UBR4: variants seen among roughly 807,000 people sequenced by gnomAD.
UBR4 encodes E3 ubiquitin-protein ligase UBR4.
Under a neutral mutation model 575.6 loss-of-function variants are expected in UBR4, and 124 were observed. The observed-to-expected ratio is 0.22, with a 90% CI of 0.19 to 0.25. The LOEUF (loss-of-function observed/expected upper bound fraction) is 0.25, where lower values mean the gene tolerates loss of function less well. Ranked by LOEUF, UBR4 falls within the 10% of genes least tolerant of loss-of-function variation. The probability of loss-of-function intolerance (pLI) is 1.00; values close to 1 mark genes in which losing one functional copy is unlikely to be tolerated. For missense variants in UBR4, 4,818 were observed against 6,478.8 expected, an observed-to-expected ratio of 0.74 and a Z score of 8.80; for synonymous variants, 2,455 against 2,473.7, an observed-to-expected ratio of 0.99 and a Z score of 0.22.
chr1:19,089,081 T>A lies in UBR4; in HGVS notation c.14212-104A>T. ...AACTCAACCAGCATGCACCATCTCA[T>A]GTCACCTGCTCAGCTGCAATCAGGT... On this transcript the variant is annotated intron_variant, in intron 97 of 105. Coordinates refer to ENST00000375254, the MANE Select transcript of UBR4 (RefSeq NM_020765.3). This position sits in a 1 kb window ranked among gnomAD's most constrained non-coding sequence, Gnocchi z 4.3. 9.0e-7 allele frequency: 1 copy of A among 1,107,376 alleles called. No individual in the cohort carries two copies. Among genetic ancestry groups the A allele is most frequent in the Non-Finnish European group, 1.3e-6 (1 of 763,566 alleles). The allele number at this position is 1,107,376 out of a possible 1,614,324, so 68.6% of individuals were successfully genotyped here. A position where few individuals can be genotyped will look rare whatever the true frequency, so the allele number is the denominator to read the frequency against.
At chr1:19,172,610 T>C (rs1190146782) in intron 25 of UBR4, among the ~76,000 whole-genome samples, 2 of 152,210 alleles carry the variant, frequency 1.3e-5, no homozygotes, top group African/African-American at 4.8e-5. Context: ...AAAAATTACC[T>C]TTCTCTGTAT....
chr1:19,141,279 G>A (rs1203770570), intron 57 of UBR4, 68 bp downstream of exon 57: 18 of 1,607,158 alleles, frequency 1.1e-5, no homozygotes, highest in Non-Finnish European at 1.4e-5. Flanking sequence ...CTGGATATCA[G>A]TAACTGCCAA....
chr1:19,119,231 A>C (rs955906782), intron 70 of UBR4, among the ~76,000 whole-genome samples: 1 of 152,214 alleles, frequency 6.6e-6, no homozygotes, highest in Non-Finnish European at 1.5e-5. Context: ...ATGGTTAGCT[A>C]ATTGCAGAAA....
intron 59 of UBR4, 126 bp from the exon 60 acceptor site, chr1:19,138,307 T>C (rs962911992): frequency 9.5e-7 from 1 of 1,055,332 alleles, no homozygotes; most frequent in Non-Finnish European, 1.3e-6. Context: ...GGTAGCATTT[T>C]TGTCTTATAT....
At chr1:19,179,263 G>C (rs577668560) in intron 17 of UBR4, 43 bp from the exon 18 acceptor site, 2 of 1,489,036 alleles carry the variant, frequency 1.3e-6, no homozygotes, top group Non-Finnish European at 1.8e-6. Context: ...AAACAGATAC[G>C]GGATAAAGTC....
In UBR4 at chr1:19,093,290, C is replaced by A; in HGVS notation, c.14111+23G>T. On this transcript the variant is annotated intron_variant, in intron 96 of 105. Transcript: ENST00000375254. The surrounding 1 kb of genome is among the most constrained non-coding windows in gnomAD (Gnocchi z 4.8). ...AAGGGCAAAGCGAAGGCAAAGCAGC[C>A]CCGCTGCGGGAGGGCTTCATACTTC... The A allele has an allele frequency of 6.2e-7, 1 of 1,608,034 alleles. No individual in the cohort carries two copies. Among genetic ancestry groups the A allele is most frequent in the Non-Finnish European group, 8.5e-7 (1 of 1,176,932 alleles).
chr1:19,124,350 C>T, intron 65 of UBR4, 191 bp downstream of exon 65: 1 of 661,070 alleles, frequency 1.5e-6, no homozygotes, highest in South Asian at 2.9e-5. Context: ...TAAAGTATGG[C>T]TTGTTTGATA....
intron 1 of UBR4, among the ~76,000 whole-genome samples, chr1:19,208,396 G>A (rs2093118391): frequency 6.6e-6 from 1 of 150,528 alleles, no homozygotes; most frequent in African/African-American, 2.5e-5. Context: ...GAACCTGGGA[G>A]GTGGAGCTTG....
Position 19,087,802 on chromosome 1 carries a change from C to T in UBR4, c.14544+14G>A. The T allele has an allele frequency of 6.2e-7, 1 of 1,602,310 alleles. No individual in the cohort carries two copies. The highest frequency in any genetic ancestry group is 1.1e-5 in the South Asian group (1 of 89,652). On this transcript the variant is annotated intron_variant, in intron 99 of 105. Transcript: ENST00000375254. ...CTGGGCCCTCAGGACCGACCGTAGG[C>T]CCAGCAGCTGTACCTGGAACTTGTA...
At chr1:19,148,913 T>C (rs1224698392) in intron 49 of UBR4, among the ~76,000 whole-genome samples, 1 of 152,220 alleles carries the variant, frequency 6.6e-6, no homozygotes, top group Non-Finnish European at 1.5e-5. Context: ...TTCCTTCTGC[T>C]GCCTGTGGCA....
chr1:19,134,277 T>A (rs1231362195), intron 60 of UBR4, among the ~76,000 whole-genome samples: 2 of 142,132 alleles, frequency 1.4e-5, no homozygotes, highest in Non-Finnish European at 3.1e-5. Flanking sequence ...TAAATAAAAA[T>A]AAATAAAAAT....
At chr1:19,170,541 T>C (rs2089355400) in intron 26 of UBR4, among the ~76,000 whole-genome samples, 2 of 152,218 alleles carry the variant, frequency 1.3e-5, no homozygotes, top group Admixed American at 6.5e-5. Flanking sequence ...TGTGGACAAA[T>C]AACTTCTCTA....
chr1:19,201,783 T>C lies in UBR4; in HGVS notation c.209A>G (p.Tyr70Cys), dbSNP rs1246736185. 1 of 1,614,056 alleles carries C rather than the reference T, an allele frequency of 6.2e-7. No homozygotes were observed. The highest frequency in any genetic ancestry group is 1.1e-5 in the South Asian group (1 of 91,092). ...AACAAAAGATGAGTAGAATGGCTCG[T>C]ACTGCTTCTCATGGTGCAGGATTTC... ...ESEILHHEKQ[Y>C]EPFYSSFVAL... Residue 70 changes from tyrosine to cysteine, a missense_variant, in exon 2 of 106, where the codon TAC (tyrosine) becomes TGC (cysteine). Physicochemically the swap from Tyr to Cys is radical, Grantham distance 194. This residue lies in a region of UBR4 where 85 missense variants were observed against 134.2 expected (regional missense o/e 0.63). Coordinates refer to ENST00000375254, the MANE Select transcript of UBR4 (RefSeq NM_020765.3).
chr1:19,140,580 G>A (rs2083767848), intron 58 of UBR4, among the ~76,000 whole-genome samples: 1 of 152,254 alleles, frequency 6.6e-6, no homozygotes, highest in Non-Finnish European at 1.5e-5. Context: ...AAGCCAGGCA[G>A]CATGCAAAGT....
At position 19,105,811 on chromosome 1, in the gene UBR4, C is replaced by T; in HGVS notation, c.12425G>A (p.Arg4142Gln). ...TTCCACAATGGTACAGGCTGCCTGC[C>T]GTGCGGCCTGCGTTGCTGGAGTGAA... ...VLFTPATQAARQAACTIVEAL... is the reference protein window; with the variant it reads ...VLFTPATQAAQQAACTIVEAL... Residue 4142 changes from arginine to glutamine, a missense_variant, in exon 84 of 106, where the codon CGG becomes CAG. Coordinates refer to ENST00000375254, the MANE Select transcript of UBR4 (RefSeq NM_020765.3). The T allele has an allele frequency of 1.9e-6, 3 of 1,608,236 alleles. No homozygotes were observed. The highest frequency in any genetic ancestry group is 1.1e-5 in the South Asian group (1 of 90,162).
intron 17 of UBR4, among the ~76,000 whole-genome samples, chr1:19,183,131 T>C (rs948847941): frequency 6.6e-6 from 1 of 152,216 alleles, no homozygotes; most frequent in Non-Finnish European, 1.5e-5. Flanking sequence ...ACATTTTAAT[T>C]TGTCTTTCTT....
intron 60 of UBR4, among the ~76,000 whole-genome samples, chr1:19,134,086 T>TAAAAAA (rs71030132): frequency 5.9e-4 from 31 of 52,506 alleles, no homozygotes; most frequent in African/African-American, 2.2e-3. Flanking sequence ...ACTCTGTCTC[T>TAAAAAA]AAAAAAAAAA....
Position 19,193,649 on chromosome 1 carries a change from T to A in UBR4, c.1019-92A>T, listed in dbSNP as rs1041260176. On this transcript the variant is annotated intron_variant, in intron 8 of 105. Coordinates refer to ENST00000375254, the MANE Select transcript of UBR4 (RefSeq NM_020765.3). ...AAAAGCACACCCCACCCACAAGCAA[T>A]TCCATGATTTGACTACTTAAAATAA... The A allele has an allele frequency of 3.4e-6, 5 of 1,465,182 alleles. No homozygotes were observed. The African/African-American group carries it at 7.1e-5, about 21-fold the overall frequency. 90.8% of individuals were successfully genotyped at this position (1,465,182 alleles called of 1,614,324 possible).
chr1:19,098,138 C>T (rs189555175), intron 90 of UBR4, among the ~76,000 whole-genome samples: 63 of 152,332 alleles, frequency 4.1e-4, no homozygotes, highest in Non-Finnish European at 3.5e-4. Flanking sequence ...AGCTTCAGGA[C>T]AGGACACCCT....
Sources: allele counts gnomAD v4.1 joint callset (sites outside exome capture counted in the v4.1 genomes callset), GRCh38; gene constraint gnomAD v4.1.1; regional missense constraint gnomAD v4.1.1; non-coding constraint Gnocchi (gnomAD v3.1); transcripts MANE v1.5; gene names NCBI Gene and HGNC (gene_info 2026-07-23, HGNC 2026-07-21).